Variants in TENM3 observed in about 807,000 individuals in gnomAD.
The protein encoded by TENM3 is teneurin transmembrane protein 3.
A neutral mutation model predicts 255.1 loss-of-function variants in TENM3; 63 were observed. The observed-to-expected ratio is 0.25, with a 90% CI of 0.20 to 0.30. TENM3 has a LOEUF of 0.30. TENM3 is among the 10% of genes least tolerant of loss of function. The pLI is 1.00. For missense variants in TENM3, 2,929 were observed against 3,461.1 expected, an observed-to-expected ratio of 0.85 and a Z score of 3.86; for synonymous variants, 1,306 against 1,322.3, an observed-to-expected ratio of 0.99 and a Z score of 0.27.
intron 3 of TENM3, among the ~76,000 whole-genome samples, chr4:182,484,321 C>T (rs1337702427): frequency 6.6e-6 from 1 of 152,132 alleles, no homozygotes; most frequent in Non-Finnish European, 1.5e-5. Context: ...AGGATTTGAA[C>T]CCAGGCAGTG....
intron 1 of TENM3, among the ~76,000 whole-genome samples, chr4:182,213,038 G>T (rs761583052): frequency 6.6e-6 from 1 of 152,130 alleles, no homozygotes; most frequent in Non-Finnish European, 1.5e-5. Context: ...CATTCCACTG[G>T]AGGATTTACA....
At chr4:182,128,707 A>G in the TENM3 span, among the ~76,000 whole-genome samples, 66,075 of 152,072 alleles carry the variant, frequency 0.43, 14,803 homozygotes, top group African/African-American at 0.54. Flanking sequence ...ATCCTCATTT[A>G]AAATACACAA....
At chr4:182,373,948 T>C (rs1228777178) in intron 3 of TENM3, among the ~76,000 whole-genome samples, 2 of 152,174 alleles carry the variant, frequency 1.3e-5, no homozygotes, top group African/African-American at 4.8e-5. Flanking sequence ...GTTTCTTATT[T>C]ATTCACTCAA....
chr4:181,467,117 A>ATTTT, the TENM3 span, among the ~76,000 whole-genome samples: 1 of 30,552 alleles, frequency 3.3e-5, no homozygotes, highest in Non-Finnish European at 7.0e-5. Flanking sequence ...ATATATATAT[A>ATTTT]TATATATATT....
chr4:181,991,962 A>C, the TENM3 span, among the ~76,000 whole-genome samples: 2 of 152,300 alleles, frequency 1.3e-5, no homozygotes, highest in South Asian at 4.1e-4. Context: ...CTGAGCAAAG[A>C]TATTTTACCA....
chr4:181,783,247 T>A, the TENM3 span, among the ~76,000 whole-genome samples: 2 of 152,144 alleles, frequency 1.3e-5, no homozygotes, highest in Non-Finnish European at 2.9e-5. Context: ...TATTATTGTG[T>A]GGGAGTCTAA....
intron 6 of TENM3, among the ~76,000 whole-genome samples, chr4:182,668,508 G>A (rs147291076): frequency 9.9e-5 from 15 of 151,958 alleles, no homozygotes; most frequent in African/African-American, 2.2e-4. Context: ...GTATTTTTTC[G>A]TTACGGGAGG....
At chr4:181,500,422 AC>A in the TENM3 span, among the ~76,000 whole-genome samples, 2 of 152,098 alleles carry the variant, frequency 1.3e-5, no homozygotes, top group East Asian at 3.9e-4. Flanking sequence ...CAGGGAACAA[AC>A]AAAAAATATG....
At chr4:181,848,761 G>C in the TENM3 span, among the ~76,000 whole-genome samples, 1 of 152,178 alleles carries the variant, frequency 6.6e-6, no homozygotes, top group Admixed American at 6.5e-5. Flanking sequence ...GTAAGAATGT[G>C]TTTACAATGG....
chr4:182,134,766 A>G, the TENM3 span, among the ~76,000 whole-genome samples: 1 of 152,222 alleles, frequency 6.6e-6, no homozygotes, highest in Admixed American at 6.5e-5. Context: ...CAGGTAAACT[A>G]AAAATCAGAT....
chr4:181,629,919 C>T, the TENM3 span, among the ~76,000 whole-genome samples: 7 of 152,180 alleles, frequency 4.6e-5, 1 homozygote, highest in Admixed American at 4.6e-4. Flanking sequence ...ATGGTACCAG[C>T]TCCTCCTTGT....
chr4:181,944,375 G>A, the TENM3 span, among the ~76,000 whole-genome samples: 2 of 149,384 alleles, frequency 1.3e-5, no homozygotes, highest in African/African-American at 5.0e-5. Flanking sequence ...CTCTTCCCCT[G>A]CTTTTGTGTT....
the TENM3 span, among the ~76,000 whole-genome samples, chr4:181,663,889 G>A: frequency 2.0e-5 from 3 of 152,114 alleles, no homozygotes; most frequent in Non-Finnish European, 2.9e-5. Context: ...CCGCAGCACC[G>A]CTTTCATCTT....
chr4:181,754,085 T>G, the TENM3 span, among the ~76,000 whole-genome samples: 2 of 152,198 alleles, frequency 1.3e-5, no homozygotes, highest in Non-Finnish European at 2.9e-5. Context: ...TTAAACTATC[T>G]TTTATGCTAT....
intron 26 of TENM3, among the ~76,000 whole-genome samples, chr4:182,794,640 G>C (rs899239791): frequency 6.6e-6 from 1 of 152,188 alleles, no homozygotes; most frequent in Non-Finnish European, 1.5e-5. Context: ...ATTTTTCCAC[G>C]AATGTGGGAT....
chr4:182,416,606 C>T (rs1437590328), intron 3 of TENM3, among the ~76,000 whole-genome samples: 1 of 151,862 alleles, frequency 6.6e-6, no homozygotes, highest in African/African-American at 2.4e-5. Flanking sequence ...AGGTTAATAA[C>T]TCGTGATTTA....
At chr4:182,665,585 TG>T (rs1754600214) in intron 6 of TENM3, among the ~76,000 whole-genome samples, 1 of 152,122 alleles carries the variant, frequency 6.6e-6, no homozygotes, top group African/African-American at 2.4e-5. Flanking sequence ...GTGATAGATC[TG>T]GGCAAAATCA....
the TENM3 span, among the ~76,000 whole-genome samples, chr4:181,888,500 A>G: frequency 9.1e-5 from 2 of 21,944 alleles, no homozygotes; most frequent in African/African-American, 3.8e-4. Context: ...ATGTGTATAT[A>G]TATATATATA....
At chr4:181,727,963 A>T in the TENM3 span, among the ~76,000 whole-genome samples, 3 of 152,220 alleles carry the variant, frequency 2.0e-5, no homozygotes, top group African/African-American at 7.2e-5. Context: ...AGTAAATAAG[A>T]TAGCCACTGA....
Sources: allele counts gnomAD v4.1 joint callset (sites outside exome capture counted in the v4.1 genomes callset), GRCh38; gene constraint gnomAD v4.1.1; transcripts MANE v1.5; gene names NCBI Gene and HGNC (gene_info 2026-07-23, HGNC 2026-07-21).